Variants in MROH9 observed in about 807,000 individuals in gnomAD.
MROH9 encodes maestro heat-like repeat-containing protein family member 9.
MROH9 carries 92 observed loss-of-function variants against 98.2 expected under a neutral mutation model. The ratio of observed to expected loss-of-function variants is 0.94; its 90% CI spans 0.79 to 1.11. The LOEUF (loss-of-function observed/expected upper bound fraction) is 1.11. MROH9 is among the 50% of genes most tolerant of loss of function. The pLI is 0.00. For missense variants in MROH9, 1,057 were observed against 1,014.8 expected (o/e 1.04, Z -0.57); for synonymous variants, 397 against 368.9 (o/e 1.08, Z -0.87).
At chr1:171,050,251 T>G (rs769441874) in intron 20 of MROH9, among the ~76,000 whole-genome samples, 26 of 152,134 alleles carry the variant, frequency 1.7e-4, no homozygotes, top group Non-Finnish European at 3.5e-4. Context: ...TTTTATAATT[T>G]TATGGTTTTG....
intron 16 of MROH9, chr1:171,015,253 T>C (rs1380900818): frequency 5.9e-6 from 2 of 336,436 alleles, no homozygotes; most frequent in Admixed American, 8.1e-5. Context: ...GTTGATGGAT[T>C]TACCAGTGGT....
chr1:171,031,512 G>GACA (rs1652912127), intron 20 of MROH9, among the ~76,000 whole-genome samples: 1 of 151,986 alleles, frequency 6.6e-6, no homozygotes, highest in African/African-American at 2.4e-5. Context: ...GTCTTGAAAT[G>GACA]ATTTTATTTC....
chr1:170,995,712 A>G (rs1651541886), intron 13 of MROH9, among the ~76,000 whole-genome samples, 181 bp downstream of exon 13: 1 of 152,142 alleles, frequency 6.6e-6, no homozygotes, highest in Admixed American at 6.6e-5. Flanking sequence ...CCAAGTACCT[A>G]AAAATTAGTT....
chr1:171,015,683 C>T (rs909482555), intron 16 of MROH9, among the ~76,000 whole-genome samples: 2 of 152,000 alleles, frequency 1.3e-5, no homozygotes, highest in Admixed American at 1.3e-4. Flanking sequence ...ATTTAGAGGT[C>T]ATTCTGCTAG....
intron 10 of MROH9, among the ~76,000 whole-genome samples, chr1:170,987,578 G>C (rs541492993): frequency 6.6e-6 from 1 of 151,958 alleles, no homozygotes; most frequent in Admixed American, 6.6e-5. Flanking sequence ...TTTTTTAGTC[G>C]TGAGCACAAA....
intron 1 of MROH9, among the ~76,000 whole-genome samples, chr1:170,944,591 CA>C (rs11326295): frequency 0.16 from 23,897 of 151,770 alleles, 2,282 homozygotes; most frequent in African/African-American, 0.24. Flanking sequence ...AAAGGAATAC[CA>C]AAAAAGTGTA....
Position 170,955,309 on chromosome 1 carries a change from C to T in MROH9, c.73-3152C>T, listed in dbSNP as rs187449264. 1.2e-4 allele frequency among the ~76,000 whole-genome samples: 18 copies of T among 152,012 alleles called. No individual in the cohort carries two copies. The East Asian group carries it at 1.7e-3, about 15-fold the overall frequency. On this transcript the variant is annotated intron_variant, in intron 3 of 21. Coordinates refer to ENST00000367759, the MANE Select transcript of MROH9 (RefSeq NM_001163629.2). ...TGCCAGTTTCTTTTTCAAATAATGA[C>T]TTCTTTTCATGTGGGTAGATACCCA...
intron 8 of MROH9, among the ~76,000 whole-genome samples, chr1:170,972,914 T>C (rs752720708): frequency 2.0e-5 from 3 of 146,908 alleles, no homozygotes; most frequent in Non-Finnish European, 1.5e-5. Flanking sequence ...TCTTGAAAGA[T>C]GAGGAGGTGA....
chr1:171,022,653 G>C (rs1443566315), intron 17 of MROH9, among the ~76,000 whole-genome samples: 1 of 152,012 alleles, frequency 6.6e-6, no homozygotes, highest in East Asian at 1.9e-4. Flanking sequence ...ATGCATATGG[G>C]GCTTAAAACC....
At chr1:170,975,128 TC>T (rs1414679622) in intron 8 of MROH9, among the ~76,000 whole-genome samples, 1 of 151,942 alleles carries the variant, frequency 6.6e-6, no homozygotes. Flanking sequence ...TTTAACCCAA[TC>T]ATAATAAATG....
intron 15 of MROH9, among the ~76,000 whole-genome samples, chr1:171,011,882 G>T (rs983080878): frequency 2.0e-5 from 3 of 150,794 alleles, no homozygotes; most frequent in African/African-American, 7.3e-5. Flanking sequence ...TAATTCTATT[G>T]TTTTTTTTGT....
intron 20 of MROH9, among the ~76,000 whole-genome samples, chr1:171,046,906 T>C (rs111636910): frequency 0.012 from 1,859 of 152,320 alleles, 32 homozygotes; most frequent in African/African-American, 0.041. Flanking sequence ...TTATTTCTCC[T>C]TCATGTTTGA....
At chr1:171,001,755 C>T (rs1000478319) in intron 15 of MROH9, among the ~76,000 whole-genome samples, 2 of 151,992 alleles carry the variant, frequency 1.3e-5, no homozygotes, top group African/African-American at 4.8e-5. Flanking sequence ...CAGTTAAGTC[C>T]ATTTGTTCCA....
chr1:170,983,372 C>A, intron 8 of MROH9, 50 bp from the exon 9 acceptor site: 1 of 1,332,538 alleles, frequency 7.5e-7, no homozygotes, highest in Non-Finnish European at 1.1e-6. Flanking sequence ...TGTCATAGAA[C>A]AAACAAGTGA....
chr1:170,983,403 C>G lies in MROH9; in HGVS notation c.617-19C>G, dbSNP rs376392385. On this transcript the variant is annotated intron_variant, in intron 8 of 21. Coordinates refer to ENST00000367759, the MANE Select transcript of MROH9 (RefSeq NM_001163629.2). ...AGTGATCAAATAACAACCTGAAACT[C>G]TTTTTCTTAACAAAGCAGATATTGG... 1 of 1,544,320 alleles carries G rather than the reference C, an allele frequency of 6.5e-7. No homozygotes were observed. Among genetic ancestry groups the G allele is most frequent in the Non-Finnish European group, 8.9e-7 (1 of 1,122,080 alleles).
chr1:171,009,881 T>A (rs894687398), intron 15 of MROH9, among the ~76,000 whole-genome samples: 1 of 152,242 alleles, frequency 6.6e-6, no homozygotes, highest in African/African-American at 2.4e-5. Context: ...CAAGAAGTAG[T>A]GGCTTCTACT....
chr1:171,054,331 A>T (rs1477715480), intron 20 of MROH9, among the ~76,000 whole-genome samples: 1 of 152,220 alleles, frequency 6.6e-6, no homozygotes, highest in Non-Finnish European at 1.5e-5. Flanking sequence ...AGCCACATGT[A>T]GAAGAATGAA....
In MROH9 at chr1:170,959,480, GC is replaced by G; in HGVS notation, c.172del (p.Gln58SerfsTer6). On this transcript the variant is annotated frameshift_variant, in exon 5 of 22. Coordinates refer to ENST00000367759, the MANE Select transcript of MROH9 (RefSeq NM_001163629.2). LOFTEE classifies it high-confidence loss of function. ...VNSSFVDPLL[Q>X]FESQLKIIES... ...TTGTCAGCTTTGTGGATCCCTTACT[GC>G]AGTTTGAATCTCAGTTGAAGATAAT... The G allele has an allele frequency of 1.2e-6, 2 of 1,609,564 alleles. No individual in the cohort carries two copies. Among genetic ancestry groups the G allele is most frequent in the Non-Finnish European group, 1.7e-6 (2 of 1,178,096 alleles).
At position 170,958,509 on chromosome 1, in the gene MROH9, A is replaced by G. The variant is rs1649874735; in HGVS notation, c.121A>G (p.Asn41Asp). ...GGATGCATACTCAGGCCTGTTAAGT[A>G]ATGAATCCATGATCCTGGCTGTGAA... Reference protein sequence around the residue: ...LLDAYSGLLSNESMILAVNSS... With the variant: ...LLDAYSGLLSDESMILAVNSS... Residue 41 changes from asparagine (N) to aspartate (D), a missense_variant, in exon 4 of 22, where the codon AAT becomes GAT. Transcript: ENST00000367759. 2 of 1,596,472 alleles carry G rather than the reference A, an allele frequency of 1.3e-6. No homozygotes were observed. Among genetic ancestry groups the G allele is most frequent in the East Asian group, 2.2e-5 (1 of 44,650 alleles).
Sources: allele counts gnomAD v4.1 joint callset (sites outside exome capture counted in the v4.1 genomes callset), GRCh38; gene constraint gnomAD v4.1.1; transcripts MANE v1.5; gene names NCBI Gene and HGNC (gene_info 2026-07-23, HGNC 2026-07-21).